The following VKORC1L1 variants were observed in gnomAD, a reference collection of about 807,000 sequenced individuals.
VKORC1L1 encodes vitamin K epoxide reductase complex subunit 1L1, also known as vitamin K epoxide reductase complex subunit 1-like protein 1.
VKORC1L1 carries 2 observed loss-of-function variants against 18.9 expected under a neutral mutation model. The ratio of observed to expected loss-of-function variants is 0.11; its 90% CI spans 0.04 to 0.33. The LOEUF is 0.33. VKORC1L1 is among the 10% of genes least tolerant of loss of function. The pLI, the probability that VKORC1L1 is intolerant of heterozygous loss-of-function variation, is 1.00. For synonymous variants in VKORC1L1, 96 were observed against 100.0 expected (o/e 0.96, Z 0.24); for missense variants, 123 against 224.1 (o/e 0.55, Z 2.88).
In VKORC1L1 at chr7:65,958,631, TATA is replaced by T; in HGVS notation, c.*4332_*4334del. 6.6e-6 allele frequency: 1 copy of T among 152,328 alleles called. No homozygotes were observed. Among genetic ancestry groups the T allele is most frequent in the Middle Eastern group, 3.4e-3 (1 of 294 alleles). 9.4% of individuals were successfully genotyped at this position (152,328 alleles called of 1,614,324 possible). ...GTCTTTTTAGACTCAGTAGGAGCCT[TATA>T]TTCTTGAAGTCAATACTGTAACCTC... On this transcript the variant is annotated 3_prime_UTR_variant, in exon 3 of 3. Coordinates refer to ENST00000360768, the MANE Select transcript of VKORC1L1 (RefSeq NM_173517.6).
chr7:65,941,271 A>AT, intron 1 of VKORC1L1, among the ~76,000 whole-genome samples: 1 of 151,764 alleles, frequency 6.6e-6, no homozygotes, highest in Non-Finnish European at 1.5e-5. Context: ...ACGCCCAGCA[A>AT]TTTTTTTTCT....
At chr7:65,890,313 A>G (rs1183637432) in intron 1 of VKORC1L1, among the ~76,000 whole-genome samples, 2 of 151,762 alleles carry the variant, frequency 1.3e-5, no homozygotes, top group African/African-American at 2.4e-5. Context: ...TTGTATTTTT[A>G]GTAAAGACAG....
At chr7:65,917,328 G>T (rs923937021) in intron 1 of VKORC1L1, among the ~76,000 whole-genome samples, 1 of 152,076 alleles carries the variant, frequency 6.6e-6, no homozygotes, top group Non-Finnish European at 1.5e-5. Flanking sequence ...CCATTCTGCT[G>T]TGCATGTGGC....
intron 1 of VKORC1L1, among the ~76,000 whole-genome samples, chr7:65,906,034 A>C (rs1789400475): frequency 6.6e-6 from 1 of 151,764 alleles, no homozygotes; most frequent in South Asian, 2.1e-4. Flanking sequence ...TTCTTTGGTT[A>C]CTGCTTCAGC....
intron 1 of VKORC1L1, among the ~76,000 whole-genome samples, chr7:65,888,833 C>T (rs1307116626): frequency 6.6e-6 from 1 of 152,148 alleles, no homozygotes; most frequent in Non-Finnish European, 1.5e-5. Flanking sequence ...TGATTTCTTA[C>T]CTCAAAAGAC....
At chr7:65,892,180 T>C (rs1350577015) in intron 1 of VKORC1L1, among the ~76,000 whole-genome samples, 6 of 152,230 alleles carry the variant, frequency 3.9e-5, no homozygotes, top group African/African-American at 1.4e-4. Flanking sequence ...TCTTTATCCA[T>C]TCGTCTGTTG....
chr7:65,878,098 A>G (rs1322641613), intron 1 of VKORC1L1, among the ~76,000 whole-genome samples: 1 of 152,190 alleles, frequency 6.6e-6, no homozygotes, highest in Admixed American at 6.5e-5. Context: ...TATCTTAAAA[A>G]AAAAGTACCA....
chr7:65,870,273 A>C (rs1788710758), upstream of VKORC1L1, among the ~76,000 whole-genome samples: 5 of 151,082 alleles, frequency 3.3e-5, no homozygotes, highest in Admixed American at 3.3e-4. Context: ...CAGAAAAAAA[A>C]AAAAAAAAAA....
At chr7:65,917,310 C>A (rs1789605109) in intron 1 of VKORC1L1, among the ~76,000 whole-genome samples, 1 of 152,132 alleles carries the variant, frequency 6.6e-6, no homozygotes, top group African/African-American at 2.4e-5. Flanking sequence ...TCTAGGTTTC[C>A]TATCCTTCCA....
intron 1 of VKORC1L1, among the ~76,000 whole-genome samples, chr7:65,893,014 G>A (rs1789133251): frequency 6.6e-6 from 1 of 152,146 alleles, no homozygotes; most frequent in South Asian, 2.1e-4. Flanking sequence ...TTTTCCAGAG[G>A]CCGCATGAAA....
intron 1 of VKORC1L1, among the ~76,000 whole-genome samples, chr7:65,883,370 C>CG (rs1286625874): frequency 1.3e-5 from 2 of 151,950 alleles, no homozygotes; most frequent in Admixed American, 1.3e-4. Flanking sequence ...AGGCTCGTCT[C>CG]GAACTCCTGA....
At chr7:65,909,690 T>TTTTG (rs1460116970) in intron 1 of VKORC1L1, among the ~76,000 whole-genome samples, 1 of 123,758 alleles carries the variant, frequency 8.1e-6, no homozygotes, top group Non-Finnish European at 1.7e-5. Context: ...GTTTTAGCCT[T>TTTTG]TGTGTGTGTG....
At chr7:65,952,356 A>G (rs556748034) in intron 2 of VKORC1L1, among the ~76,000 whole-genome samples, 5 of 152,352 alleles carry the variant, frequency 3.3e-5, no homozygotes, top group Admixed American at 3.3e-4. Context: ...ACATAAATGA[A>G]TGAGCATGGC....
chr7:65,895,516 T>TATATATACAC (rs370356956), intron 1 of VKORC1L1, among the ~76,000 whole-genome samples: 77 of 71,538 alleles, frequency 1.1e-3, no homozygotes, highest in East Asian at 1.7e-3. Flanking sequence ...TATATATATA[T>TATATATACAC]ACACACACAC....
chr7:65,883,667 T>C (rs762909489), intron 1 of VKORC1L1, among the ~76,000 whole-genome samples: 3 of 151,568 alleles, frequency 2.0e-5, no homozygotes, highest in Non-Finnish European at 4.4e-5. Flanking sequence ...ACCCGGCTAA[T>C]TTTTGTATTT....
intron 1 of VKORC1L1, among the ~76,000 whole-genome samples, chr7:65,920,609 G>A (rs967197939): frequency 6.6e-6 from 1 of 152,184 alleles, no homozygotes; most frequent in Non-Finnish European, 1.5e-5. Context: ...TTCTTGGCCA[G>A]GTGTCAAAAG....
chr7:65,878,630 C>T (rs538146222), intron 1 of VKORC1L1, among the ~76,000 whole-genome samples: 13 of 152,064 alleles, frequency 8.5e-5, no homozygotes, highest in African/African-American at 1.2e-4. Flanking sequence ...CTTGGCTGGA[C>T]GCAGTGGCTC....
intron 1 of VKORC1L1, among the ~76,000 whole-genome samples, chr7:65,911,204 A>G (rs1450409617): frequency 1.3e-5 from 2 of 152,256 alleles, no homozygotes; most frequent in African/African-American, 4.8e-5. Context: ...AGATGCTGCA[A>G]AATCAACTGA....
chr7:65,896,090 C>T (rs1789207662), intron 1 of VKORC1L1, among the ~76,000 whole-genome samples: 1 of 147,278 alleles, frequency 6.8e-6, no homozygotes, highest in Non-Finnish European at 1.5e-5. Context: ...TGTAGTAGAG[C>T]CGGGGGTTTC....
Sources: gnomAD v4.1 joint callset for allele counts (sites outside exome capture counted in the v4.1 genomes callset) on GRCh38, gnomAD v4.1.1 for gene constraint, MANE v1.5 for transcripts, NCBI Gene and HGNC (gene_info 2026-07-23, HGNC 2026-07-21) for gene names.